OSBPL1A: variants seen among roughly 807,000 people sequenced by gnomAD.
OSBPL1A encodes oxysterol binding protein like 1A.
OSBPL1A carries 80 observed loss-of-function variants against 137.1 expected under a neutral mutation model. The ratio of observed to expected loss-of-function variants is 0.58; its 90% CI spans 0.49 to 0.70. The LOEUF (loss-of-function observed/expected upper bound fraction) is 0.70, where lower values mean the gene tolerates loss of function less well. Ranked by LOEUF, OSBPL1A falls within the 30% of genes least tolerant of loss-of-function variation. The pLI is 0.00. For missense variants in OSBPL1A, 970 were observed against 1,129.4 expected (o/e 0.86, Z 2.02); for synonymous variants, 365 against 389.7 (o/e 0.94, Z 0.75).
chr18:24,166,471 G>A, intron 26 of OSBPL1A, 108 bp downstream of exon 26: 3 of 1,350,806 alleles, frequency 2.2e-6, no homozygotes, highest in Non-Finnish European at 3.0e-6. Flanking sequence ...CTCTAAGAGA[G>A]ACTAAAAACG....
At chr18:24,188,222 G>A (rs1191818651) in intron 18 of OSBPL1A, among the ~76,000 whole-genome samples, 2 of 152,196 alleles carry the variant, frequency 1.3e-5, no homozygotes, top group Non-Finnish European at 2.9e-5. Flanking sequence ...CTGGCCTAGG[G>A]ATGCAATCTT....
chr18:24,395,817 T>TCA (rs1437267089), intron 1 of OSBPL1A, among the ~76,000 whole-genome samples: 1 of 151,266 alleles, frequency 6.6e-6, no homozygotes, highest in Non-Finnish European at 1.5e-5. Flanking sequence ...AGACAGGGTT[T>TCA]CATCATTTTG....
At chr18:24,358,963 C>T (rs2146182823) in intron 4 of OSBPL1A, among the ~76,000 whole-genome samples, 1 of 151,904 alleles carries the variant, frequency 6.6e-6, no homozygotes, top group Non-Finnish European at 1.5e-5. Flanking sequence ...ATGCCTATAA[C>T]CCCAGCACTT....
At chr18:24,170,147 A>AGT (rs45515792) in intron 24 of OSBPL1A, among the ~76,000 whole-genome samples, 180 bp downstream of exon 24, 71,847 of 151,948 alleles carry the variant, frequency 0.47, 20,219 homozygotes, top group Non-Finnish European at 0.64. Flanking sequence ...ATCCTATACA[A>AGT]GGCTATGCCG....
rs564094626 is a variant in OSBPL1A, at chr18:24,200,967, G to A, written c.1602-4767C>T. ...AGGAAAAAAAGAAGAGAGAATTCCC[G>A]AATGGTGTTGGATGGCAGTGTTACT... On this transcript the variant is annotated intron_variant, in intron 17 of 27. Coordinates refer to ENST00000319481, the MANE Select transcript of OSBPL1A (RefSeq NM_080597.4). Among the ~76,000 whole-genome samples the A allele has an allele frequency of 4.6e-5, 7 of 152,144 alleles. No individual in the cohort carries two copies. The South Asian group carries it at 8.3e-4, about 18-fold the overall frequency.
At chr18:24,354,748 C>CAAAAAAAAAAAAAAAAAAAAAAAAAA (rs59694707) in intron 4 of OSBPL1A, among the ~76,000 whole-genome samples, 1 of 77,074 alleles carries the variant, frequency 1.3e-5, no homozygotes, top group Non-Finnish European at 2.5e-5. Context: ...CTCAATATAG[C>CAAAAAAAAAAAAAAAAAAAAAAAAAA]AAAAAAAAAA....
At chr18:24,293,905 A>T (rs1018763148) in intron 14 of OSBPL1A, among the ~76,000 whole-genome samples, 13 of 152,284 alleles carry the variant, frequency 8.5e-5, no homozygotes, top group African/African-American at 3.1e-4. Context: ...TGGGGACAGC[A>T]AGTAGGTTTT....
chr18:24,217,612 G>A (rs1331583225), intron 17 of OSBPL1A, among the ~76,000 whole-genome samples: 1 of 152,138 alleles, frequency 6.6e-6, no homozygotes, highest in African/African-American at 2.4e-5. Context: ...TGACAGAATT[G>A]AAAGACTACT....
chr18:24,178,205 TAAAA>T lies in OSBPL1A; in HGVS notation c.1911-14_1911-11del. On this transcript the variant is annotated splice_polypyrimidine_tract_variant and intron_variant, in intron 20 of 27. Transcript: ENST00000319481. Reference sequence around the variant, plus strand: ...AAATCCAAGGTCATCTCTTAAGATTTAAAAAAAAAAAAAAAGAAAAAAAAAAGCA... The same window carrying T: ...AAATCCAAGGTCATCTCTTAAGATTTAAAAAAAAAAAGAAAAAAAAAAGCA... 21 of 1,174,532 alleles carry T rather than the reference TAAAA, an allele frequency of 1.8e-5. No individual in the cohort carries two copies. The highest frequency in any genetic ancestry group is 3.7e-5 in the South Asian group (2 of 53,634). 72.8% of individuals were successfully genotyped at this position (1,174,532 alleles called of 1,614,324 possible).
At chr18:24,291,022 C>T (rs1053623389) in intron 14 of OSBPL1A, among the ~76,000 whole-genome samples, 6 of 151,946 alleles carry the variant, frequency 3.9e-5, no homozygotes, top group Admixed American at 2.6e-4. Context: ...GCGACACACA[C>T]AAAACTACTC....
At chr18:24,258,925 CTTTTTTTTTT>C (rs543867145) in intron 15 of OSBPL1A, among the ~76,000 whole-genome samples, 1 of 92,728 alleles carries the variant, frequency 1.1e-5, no homozygotes, top group Admixed American at 1.2e-4. Flanking sequence ...AAAATTACAT[CTTTTTTTTTT>C]TTTTTTTTTT....
intron 18 of OSBPL1A, among the ~76,000 whole-genome samples, chr18:24,193,579 T>C (rs1482742301): frequency 6.6e-6 from 1 of 152,096 alleles, no homozygotes; most frequent in Non-Finnish European, 1.5e-5. Context: ...TATACCTTGA[T>C]TGTGTCTGCT....
chr18:24,387,247 G>T (rs1384781451), intron 1 of OSBPL1A, among the ~76,000 whole-genome samples: 45 of 151,638 alleles, frequency 3.0e-4, no homozygotes, highest in Admixed American at 3.0e-3. Context: ...GTAGAGGCAG[G>T]GTTTCCCCAT....
chr18:24,300,229 C>T (rs2146098429), intron 14 of OSBPL1A, among the ~76,000 whole-genome samples: 1 of 152,244 alleles, frequency 6.6e-6, no homozygotes, highest in South Asian at 2.1e-4. Flanking sequence ...AGGTATATTT[C>T]AATAGACAGC....
chr18:24,310,458 C>T (rs961202447), intron 13 of OSBPL1A, among the ~76,000 whole-genome samples: 3 of 129,000 alleles, frequency 2.3e-5, no homozygotes, highest in Non-Finnish European at 3.3e-5. Flanking sequence ...AAAAATTAGC[C>T]AGGTGCGGTG....
chr18:24,189,661 C>CCG (rs2086836131), intron 18 of OSBPL1A, among the ~76,000 whole-genome samples: 1 of 152,198 alleles, frequency 6.6e-6, no homozygotes, highest in African/African-American at 2.4e-5. Flanking sequence ...CAGTTCCCCC[C>CCG]GCTCCACACG....
rs1331208458 is a variant in OSBPL1A at position 24,196,163 on chromosome 18, A to G, written c.1639T>C (p.Phe547Leu). The G allele has an allele frequency of 6.2e-7, 1 of 1,611,718 alleles. No individual in the cohort carries two copies. Among genetic ancestry groups the G allele is most frequent in the Non-Finnish European group, 8.5e-7 (1 of 1,179,640 alleles). ...LPSPMFSRND[F>L]SIWSILRKCI... ...TTTCTGAGGATGCTCCAGATACTGA[A>G]GTCATTTCTGGAAAACATAGGAGAA... The change falls in exon 18 of 28, where the codon TTC becomes CTC. Residue 547 changes from phenylalanine (F) to leucine (L), a missense_variant. Transcript: ENST00000319481.
chr18:24,185,037 G>A (rs892778673), intron 18 of OSBPL1A, among the ~76,000 whole-genome samples: 3 of 152,196 alleles, frequency 2.0e-5, no homozygotes, highest in Admixed American at 6.5e-5. Flanking sequence ...AAGACATGGA[G>A]GAAACTTAGA....
intron 4 of OSBPL1A, among the ~76,000 whole-genome samples, chr18:24,362,247 A>G (rs902439825): frequency 6.6e-6 from 1 of 152,160 alleles, no homozygotes; most frequent in African/African-American, 2.4e-5. Flanking sequence ...AAGACCATAA[A>G]AAAAAACAGC....
Sources: allele counts gnomAD v4.1 joint callset (sites outside exome capture counted in the v4.1 genomes callset), GRCh38; gene constraint gnomAD v4.1.1; transcripts MANE v1.5; gene names NCBI Gene and HGNC (gene_info 2026-07-23, HGNC 2026-07-21).